The following NXPH2 variants were observed in gnomAD, a reference collection of about 807,000 sequenced individuals.
NXPH2 encodes the protein neurexophilin 2.
NXPH2 carries 5 observed loss-of-function variants against 19.8 expected under a neutral mutation model. The observed-to-expected ratio is 0.25, with a 90% CI of 0.13 to 0.53. The LOEUF (loss-of-function observed/expected upper bound fraction) is 0.53, where lower values mean the gene tolerates loss of function less well. NXPH2 is among the 20% of genes least tolerant of loss of function. The probability of loss-of-function intolerance (pLI) is 0.96; values close to 1 mark genes in which losing one functional copy is unlikely to be tolerated. For missense variants in NXPH2, 289 were observed against 322.8 expected (o/e 0.90, Z 0.80); for synonymous variants, 154 against 127.4 (o/e 1.21, Z -1.41).
intron 1 of NXPH2, among the ~76,000 whole-genome samples, chr2:138,777,485 C>A (rs778394288): frequency 3.1e-4 from 47 of 151,998 alleles, no homozygotes; most frequent in Non-Finnish European, 6.0e-4. Context: ...AGCCTACTTG[C>A]AGTATTTATC....
Position 138,774,343 on chromosome 2 carries a change from C to T in NXPH2, c.51+5848G>A, listed in dbSNP as rs929804892. On this transcript the variant is annotated intron_variant, in intron 1 of 1. Transcript: ENST00000272641. ...CTGGTTTTACTAAATTTTCCTTTTC[C>T]GTAAGCACAGATCTAGTAATCCATC... Among the ~76,000 whole-genome samples, 9 of 152,162 alleles carry T rather than the reference C, an allele frequency of 5.9e-5. No homozygotes were observed. The East Asian group carries it at 9.6e-4, about 16-fold the overall frequency.
At chr2:138,681,354 C>G (rs1402930776) in intron 1 of NXPH2, among the ~76,000 whole-genome samples, 1 of 152,112 alleles carries the variant, frequency 6.6e-6, no homozygotes, top group Non-Finnish European at 1.5e-5. Flanking sequence ...AATTTCCCCC[C>G]ATAATCATAA....
chr2:138,712,906 G>A (rs771064202), intron 1 of NXPH2, among the ~76,000 whole-genome samples: 1 of 152,092 alleles, frequency 6.6e-6, no homozygotes, highest in Non-Finnish European at 1.5e-5. Flanking sequence ...AGCAAACAGG[G>A]GCTGTATTAG....
At chr2:138,770,642 C>T (rs2104843912) in intron 1 of NXPH2, among the ~76,000 whole-genome samples, 1 of 151,962 alleles carries the variant, frequency 6.6e-6, no homozygotes, top group South Asian at 2.1e-4. Flanking sequence ...CAGATACAAA[C>T]ATAAACATAC....
chr2:138,714,616 A>T (rs999065890), intron 1 of NXPH2, among the ~76,000 whole-genome samples: 1 of 152,062 alleles, frequency 6.6e-6, no homozygotes, highest in Non-Finnish European at 1.5e-5. Flanking sequence ...ACACACTTCT[A>T]TTACTGGTCT....
intron 1 of NXPH2, among the ~76,000 whole-genome samples, chr2:138,759,729 C>CTTTTT (rs772878668): frequency 7.9e-6 from 1 of 126,586 alleles, no homozygotes; most frequent in Non-Finnish European, 1.6e-5. Context: ...CCTATGCCAC[C>CTTTTT]TTTTTTTTTT....
chr2:138,687,289 T>C (rs1413461939), intron 1 of NXPH2, among the ~76,000 whole-genome samples: 2 of 152,246 alleles, frequency 1.3e-5, no homozygotes, highest in East Asian at 3.8e-4. Context: ...TGATTTGCAT[T>C]TCTCTGATGG....
At chr2:138,759,781 G>C (rs1167665361) in intron 1 of NXPH2, among the ~76,000 whole-genome samples, 1 of 148,134 alleles carries the variant, frequency 6.8e-6, no homozygotes, top group Non-Finnish European at 1.5e-5. Context: ...CCAGGCTGGA[G>C]TGCAGTAGCG....
At chr2:138,695,835 A>G (rs1041910092) in intron 1 of NXPH2, among the ~76,000 whole-genome samples, 2 of 152,154 alleles carry the variant, frequency 1.3e-5, no homozygotes, top group Non-Finnish European at 2.9e-5. Context: ...TACTGTGGTA[A>G]GCAGATAAGT....
intron 1 of NXPH2, among the ~76,000 whole-genome samples, chr2:138,676,891 T>A (rs1680492130): frequency 6.6e-6 from 1 of 152,226 alleles, no homozygotes; most frequent in Non-Finnish European, 1.5e-5. Flanking sequence ...TTTCCCTATG[T>A]TTCTAGTCTT....
chr2:138,748,619 C>A (rs932732771), intron 1 of NXPH2, among the ~76,000 whole-genome samples: 1 of 152,136 alleles, frequency 6.6e-6, no homozygotes, highest in African/African-American at 2.4e-5. Context: ...CATGCACGCA[C>A]ACACATACAC....
At chr2:138,764,743 C>G (rs915228136) in intron 1 of NXPH2, among the ~76,000 whole-genome samples, 1 of 152,136 alleles carries the variant, frequency 6.6e-6, no homozygotes, top group Non-Finnish European at 1.5e-5. Flanking sequence ...CAATGAACTA[C>G]AAATTAGCTT....
chr2:138,774,534 T>C (rs1682229786), intron 1 of NXPH2, among the ~76,000 whole-genome samples: 1 of 152,206 alleles, frequency 6.6e-6, no homozygotes, highest in Admixed American at 6.5e-5. Context: ...GAACCCCTGT[T>C]ACAACATATT....
intron 1 of NXPH2, among the ~76,000 whole-genome samples, chr2:138,778,865 G>T (rs1682307027): frequency 6.6e-6 from 1 of 152,150 alleles, no homozygotes; most frequent in Non-Finnish European, 1.5e-5. Context: ...GGATATTTGG[G>T]CATATCATTG....
At chr2:138,694,106 C>T (rs773149915) in intron 1 of NXPH2, among the ~76,000 whole-genome samples, 2 of 152,074 alleles carry the variant, frequency 1.3e-5, no homozygotes, top group South Asian at 2.1e-4. Flanking sequence ...ACAAAAAAGA[C>T]GATTTTAAAA....
intron 1 of NXPH2, among the ~76,000 whole-genome samples, chr2:138,691,829 T>C (rs79251688): frequency 1.3e-5 from 2 of 152,180 alleles, no homozygotes; most frequent in South Asian, 4.1e-4. Flanking sequence ...GTCAGGTGAG[T>C]ACCACTGAGC....
intron 1 of NXPH2, among the ~76,000 whole-genome samples, chr2:138,746,167 G>C (rs911149851): frequency 2.0e-5 from 3 of 152,230 alleles, no homozygotes; most frequent in Non-Finnish European, 2.9e-5. Flanking sequence ...TGCAATAGCA[G>C]CCAAGCACAC....
At chr2:138,682,445 CAA>C (rs888675391) in intron 1 of NXPH2, among the ~76,000 whole-genome samples, 1 of 151,600 alleles carries the variant, frequency 6.6e-6, no homozygotes, top group Non-Finnish European at 1.5e-5. Context: ...AGAAGAATGA[CAA>C]AAAAAGAATG....
intron 1 of NXPH2, among the ~76,000 whole-genome samples, chr2:138,764,531 G>T (rs927251975): frequency 1.3e-5 from 2 of 152,214 alleles, no homozygotes; most frequent in Non-Finnish European, 2.9e-5. Flanking sequence ...CAGCAAATTA[G>T]TGTTATAGGC....
Sources: gnomAD v4.1 joint callset for allele counts (sites outside exome capture counted in the v4.1 genomes callset) on GRCh38, gnomAD v4.1.1 for gene constraint, MANE v1.5 for transcripts, NCBI Gene and HGNC (gene_info 2026-07-23, HGNC 2026-07-21) for gene names.